The following RICTOR variants were observed in gnomAD, a reference collection of about 807,000 sequenced individuals.
The protein encoded by RICTOR is rapamycin-insensitive companion of mTOR.
In RICTOR, 49 loss-of-function variants were observed where a neutral mutation model predicts 214.9. That is an observed-to-expected ratio of 0.23 (90% confidence interval 0.18 to 0.29). RICTOR has a LOEUF of 0.29. RICTOR is among the 10% of genes least tolerant of loss of function. The probability of loss-of-function intolerance (pLI) is 1.00; values close to 1 mark genes in which losing one functional copy is unlikely to be tolerated. For missense variants in RICTOR, 1,625 were observed against 2,047.0 expected, an observed-to-expected ratio of 0.79 and a Z score of 3.98; for synonymous variants, 717 against 711.3, an observed-to-expected ratio of 1.01 and a Z score of -0.13.
chr5:38,945,069 C>T lies in RICTOR; in HGVS notation c.4634-1G>A, dbSNP rs1371927085. On this transcript the variant is annotated splice_acceptor_variant, in intron 34 of 37. Transcript: ENST00000357387. LOFTEE classifies it high-confidence loss of function. ...TCAGAATATGGAATATCTTGAAAGT[C>T]TGAAGAAAAAAATAATTATTTCAAT... The T allele has an allele frequency of 6.3e-7, 1 of 1,584,454 alleles. No homozygotes were observed. The highest frequency in any genetic ancestry group is 1.4e-5 in the African/African-American group (1 of 73,626).
chr5:38,969,611 T>A (rs1040564098), intron 11 of RICTOR: 1 of 151,978 alleles, frequency 6.6e-6, no homozygotes, highest in African/African-American at 2.4e-5. Context: ...AGAGCTACTA[T>A]TAGTCCCATA....
intron 7 of RICTOR, 97 bp from the exon 8 acceptor site, chr5:38,982,133 A>C: frequency 2.4e-6 from 2 of 824,366 alleles, no homozygotes; most frequent in Non-Finnish European, 1.9e-6. Flanking sequence ...TGACTTGAAA[A>C]ACTTTCTAAT....
At chr5:39,039,159 C>A (rs1756974960) in intron 2 of RICTOR, among the ~76,000 whole-genome samples, 1 of 152,082 alleles carries the variant, frequency 6.6e-6, no homozygotes, top group Admixed American at 6.5e-5. Context: ...AGAAATAATG[C>A]CACATATCTA....
chr5:39,040,437 G>A (rs1292570202), intron 2 of RICTOR, among the ~76,000 whole-genome samples: 3 of 152,058 alleles, frequency 2.0e-5, no homozygotes, highest in Non-Finnish European at 2.9e-5. Flanking sequence ...TGCACGCTGT[G>A]CACATGTACC....
chr5:38,971,742 C>T (rs1402274129), intron 11 of RICTOR, 135 bp downstream of exon 11: 1 of 582,740 alleles, frequency 1.7e-6, no homozygotes, highest in Non-Finnish European at 3.0e-6. Flanking sequence ...TAAATATTTA[C>T]TTCTGTATTT....
chr5:38,949,439 G>A lies in RICTOR; in HGVS notation c.4136+273C>T, dbSNP rs772846542. 20 of 1,577,744 alleles carry A rather than the reference G, an allele frequency of 1.3e-5. No homozygotes were observed. The South Asian group carries it at 1.5e-4, about 12-fold the overall frequency. Reference sequence around the variant, plus strand: ...TTTTAAAATCGATCCTTGCAGAAGCGAGAAATAAATAAAAAAAAGCTTGTG... The same window carrying A: ...TTTTAAAATCGATCCTTGCAGAAGCAAGAAATAAATAAAAAAAAGCTTGTG... On this transcript the variant is annotated intron_variant, in intron 31 of 37. Transcript: ENST00000357387.
rs530788191 is a variant in RICTOR, at chr5:39,066,557, T to C, written c.97+7554A>G. On this transcript the variant is annotated intron_variant, in intron 2 of 37. Coordinates refer to ENST00000357387, the MANE Select transcript of RICTOR (RefSeq NM_152756.5). ...TGAATTCCTCCCCTGAAAAAGCTTT[T>C]TCTTTCTTTGCCACATGGCTAGGCT... 3.3e-5 allele frequency among the ~76,000 whole-genome samples: 5 copies of C among 152,370 alleles called. No homozygotes were observed. In the South Asian group the frequency reaches 1.0e-3, roughly 32 times the overall value.
At chr5:38,955,294 C>T (rs146855416) in intron 26 of RICTOR, among the ~76,000 whole-genome samples, 19 of 151,838 alleles carry the variant, frequency 1.3e-4, no homozygotes, top group African/African-American at 3.1e-4. Flanking sequence ...ATCTGAAATG[C>T]GAAACATTTC....
intron 2 of RICTOR, among the ~76,000 whole-genome samples, chr5:39,055,427 C>CA (rs367622477): frequency 2.3e-5 from 3 of 128,688 alleles, no homozygotes; most frequent in African/African-American, 2.9e-5. Context: ...TCCCCCCCCC[C>CA]ACTCTTTTTC....
Position 39,036,908 on chromosome 5 carries a change from C to T in RICTOR, c.98-15772G>A, listed in dbSNP as rs543999780. Reference sequence around the variant, plus strand: ...CCACTGTCAACATTAGACAGATCAACGAGACAGAAAGTTAACAAGGATACC... The same window carrying T: ...CCACTGTCAACATTAGACAGATCAATGAGACAGAAAGTTAACAAGGATACC... On this transcript the variant is annotated intron_variant, in intron 2 of 37. Coordinates refer to ENST00000357387, the MANE Select transcript of RICTOR (RefSeq NM_152756.5). Among the ~76,000 whole-genome samples the T allele has an allele frequency of 1.6e-4, 24 of 152,204 alleles. No homozygotes were observed. The East Asian group carries it at 3.7e-3, about 23-fold the overall frequency.
intron 19 of RICTOR, among the ~76,000 whole-genome samples, chr5:38,961,837 T>C (rs80103490): frequency 1.3e-5 from 2 of 152,070 alleles, no homozygotes; most frequent in African/African-American, 2.4e-5. Context: ...TAAAAACATA[T>C]GGGTGTAATG....
At chr5:39,062,765 T>C (rs1219722021) in intron 2 of RICTOR, among the ~76,000 whole-genome samples, 2 of 152,126 alleles carry the variant, frequency 1.3e-5, no homozygotes, top group African/African-American at 2.4e-5. Flanking sequence ...GAAATTTCAC[T>C]GGATTAAATG....
rs1747348314 is a variant in RICTOR at position 38,939,880 on chromosome 5, A to G, written c.*2424T>C. On this transcript the variant is annotated 3_prime_UTR_variant, in exon 38 of 38. Transcript: ENST00000357387. ...CTGCTATAATTTAATATTTTTAAAC[A>G]CTTAAGTTAATCACTTGGCACTGCA... The G allele has an allele frequency of 4.4e-6, 1 of 226,082 alleles. No individual in the cohort carries two copies. Among genetic ancestry groups the G allele is most frequent in the Non-Finnish European group, 8.8e-6 (1 of 113,658 alleles). 14.0% of individuals were successfully genotyped at this position (226,082 alleles called of 1,614,324 possible).
At chr5:39,074,275 T>G (rs567216925) in intron 1 of RICTOR, 54 bp downstream of exon 1, 1 of 1,572,386 alleles carries the variant, frequency 6.4e-7, no homozygotes, top group East Asian at 2.4e-5. Context: ...GGAAGGCAAG[T>G]GCCAGGGGTG....
At chr5:39,036,090 G>C (rs1347331571) in intron 2 of RICTOR, among the ~76,000 whole-genome samples, 1 of 152,206 alleles carries the variant, frequency 6.6e-6, no homozygotes, top group Non-Finnish European at 1.5e-5. Flanking sequence ...CCCACAAAGG[G>C]AAGCCCATCA....
At chr5:38,969,174 G>T (rs1750509759) in intron 11 of RICTOR, among the ~76,000 whole-genome samples, 1 of 151,862 alleles carries the variant, frequency 6.6e-6, no homozygotes, top group Non-Finnish European at 1.5e-5. Context: ...GTTTCACCAT[G>T]TTGGCCAGGC....
intron 5 of RICTOR, among the ~76,000 whole-genome samples, chr5:38,999,067 T>C: frequency 1.4e-5 from 1 of 69,810 alleles, no homozygotes; most frequent in Non-Finnish European, 3.1e-5. Flanking sequence ...CTAAAATAAA[T>C]AATAAAATCA....
At chr5:39,035,509 A>C (rs1319267038) in intron 2 of RICTOR, among the ~76,000 whole-genome samples, 2 of 152,208 alleles carry the variant, frequency 1.3e-5, no homozygotes, top group African/African-American at 4.8e-5. Context: ...AGGCTTCAGA[A>C]GATCAAACTA....
chr5:39,040,082 A>G (rs1273593931), intron 2 of RICTOR, among the ~76,000 whole-genome samples: 5 of 152,082 alleles, frequency 3.3e-5, no homozygotes, highest in Admixed American at 6.6e-5. Flanking sequence ...GTCCAACAAT[A>G]ATAGACTGGA....
Sources: allele counts gnomAD v4.1 joint callset (sites outside exome capture counted in the v4.1 genomes callset), GRCh38; gene constraint gnomAD v4.1.1; transcripts MANE v1.5; gene names NCBI Gene and HGNC (gene_info 2026-07-23, HGNC 2026-07-21).